The following NCKAP5 variants were observed in gnomAD, a reference collection of about 807,000 sequenced individuals.
NCKAP5 encodes the protein nck-associated protein 5.
Under a neutral mutation model 167.0 loss-of-function variants are expected in NCKAP5, and 92 were observed. The observed-to-expected ratio is 0.55, with a 90% CI of 0.47 to 0.66. The LOEUF (loss-of-function observed/expected upper bound fraction) is 0.66, where lower values mean the gene tolerates loss of function less well. Among genes scored for constraint, NCKAP5 ranks in the 30% least tolerant of loss-of-function variants. The pLI, the probability that NCKAP5 is intolerant of heterozygous loss-of-function variation, is 0.00. For missense variants in NCKAP5, 2,378 were observed against 2,315.0 expected, an observed-to-expected ratio of 1.03 and a Z score of -0.56; for synonymous variants, 891 against 877.4, an observed-to-expected ratio of 1.02 and a Z score of -0.27.
intron 6 of NCKAP5, among the ~76,000 whole-genome samples, chr2:133,044,729 T>C (rs2079332630): frequency 6.6e-6 from 1 of 152,180 alleles, no homozygotes; most frequent in Non-Finnish European, 1.5e-5. Context: ...CTTATTTATA[T>C]GTCCCTGGAG....
chr2:133,233,993 A>G (rs918632741), intron 4 of NCKAP5, among the ~76,000 whole-genome samples: 4 of 152,238 alleles, frequency 2.6e-5, no homozygotes, highest in Non-Finnish European at 4.4e-5. Context: ...CATCAGGACT[A>G]TCGAAAGAAG....
intron 3 of NCKAP5, among the ~76,000 whole-genome samples, chr2:133,342,869 G>A (rs1030626078): frequency 7.9e-5 from 12 of 152,146 alleles, no homozygotes; most frequent in African/African-American, 2.9e-4. Flanking sequence ...CAGGCTAGGA[G>A]GACACCAGAA....
At chr2:133,108,172 C>A (rs901957399) in intron 6 of NCKAP5, among the ~76,000 whole-genome samples, 1 of 152,166 alleles carries the variant, frequency 6.6e-6, no homozygotes, top group Non-Finnish European at 1.5e-5. Flanking sequence ...GTGCATAATT[C>A]TCTTCTGTGT....
chr2:133,565,654 G>A (rs959416729), intron 1 of NCKAP5, among the ~76,000 whole-genome samples: 5 of 152,168 alleles, frequency 3.3e-5, no homozygotes, highest in African/African-American at 1.2e-4. Flanking sequence ...ACACTGTGGA[G>A]TAGAGTGAAA....
At chr2:132,751,220 T>C (rs1180898500) in intron 16 of NCKAP5, among the ~76,000 whole-genome samples, 3 of 151,990 alleles carry the variant, frequency 2.0e-5, no homozygotes, top group African/African-American at 7.3e-5. Flanking sequence ...CTGAGAGAGA[T>C]TTCCCTCTAT....
chr2:133,087,466 T>G (rs1260850963), intron 6 of NCKAP5, among the ~76,000 whole-genome samples: 1 of 152,220 alleles, frequency 6.6e-6, no homozygotes, highest in Non-Finnish European at 1.5e-5. Flanking sequence ...TTCGTTCAAT[T>G]AATAGACTTC....
intron 6 of NCKAP5, among the ~76,000 whole-genome samples, chr2:133,071,741 C>CA (rs1188834499): frequency 1.3e-5 from 2 of 152,068 alleles, no homozygotes; most frequent in Admixed American, 6.5e-5. Context: ...TGAAATTCAG[C>CA]AAAAAAATCA....
At chr2:133,173,753 G>A (rs1397777627) in intron 5 of NCKAP5, among the ~76,000 whole-genome samples, 2 of 152,108 alleles carry the variant, frequency 1.3e-5, no homozygotes, top group East Asian at 3.8e-4. Flanking sequence ...TCTAGCTCTG[G>A]CTTTTCTTTG....
the NCKAP5 span, among the ~76,000 whole-genome samples, chr2:133,647,417 A>AAGGG: frequency 8.6e-6 from 1 of 116,066 alleles, no homozygotes; most frequent in East Asian, 2.8e-4. Flanking sequence ...GGAAGGAAGG[A>AAGGG]AGAGAAAGAA....
At chr2:132,942,497 T>C (rs1490324881) in intron 8 of NCKAP5, among the ~76,000 whole-genome samples, 2 of 152,200 alleles carry the variant, frequency 1.3e-5, no homozygotes, top group African/African-American at 4.8e-5. Context: ...TTTGCTGTAA[T>C]TTTTATTTGG....
the NCKAP5 span, among the ~76,000 whole-genome samples, chr2:133,653,521 G>A: frequency 1.2e-3 from 178 of 152,274 alleles, 1 homozygote; most frequent in Non-Finnish European, 1.9e-3. Context: ...AAATAAACAT[G>A]AGTCTATCTC....
intron 6 of NCKAP5, among the ~76,000 whole-genome samples, chr2:133,125,820 G>A (rs2082386067): frequency 6.6e-6 from 1 of 152,140 alleles, no homozygotes; most frequent in Non-Finnish European, 1.5e-5. Context: ...TGAGCTTATG[G>A]CTGATTAGGT....
At chr2:133,184,708 T>G (rs1190102763) in intron 5 of NCKAP5, among the ~76,000 whole-genome samples, 1 of 152,186 alleles carries the variant, frequency 6.6e-6, no homozygotes, top group Non-Finnish European at 1.5e-5. Flanking sequence ...TGCATTTCTC[T>G]GATGACTAGT....
At chr2:133,513,841 C>T (rs530840533) in intron 3 of NCKAP5, among the ~76,000 whole-genome samples, 3 of 152,134 alleles carry the variant, frequency 2.0e-5, no homozygotes, top group South Asian at 4.2e-4. Context: ...AATGTATTTC[C>T]CAAAAATTAA....
intron 11 of NCKAP5, among the ~76,000 whole-genome samples, chr2:132,855,415 G>A (rs1689388040): frequency 2.6e-5 from 4 of 152,194 alleles, no homozygotes; most frequent in Admixed American, 2.6e-4. Context: ...TGCTCCTCCT[G>A]TCACCCTGTG....
At chr2:132,796,537 G>A in intron 12 of NCKAP5, 91 bp downstream of exon 12, 1 of 783,078 alleles carries the variant, frequency 1.3e-6, no homozygotes, top group Non-Finnish European at 2.1e-6. Context: ...ATGCTTCAAG[G>A]ATGCACTTTA....
the NCKAP5 span, among the ~76,000 whole-genome samples, chr2:133,640,573 ATAAAC>A: frequency 6.6e-6 from 1 of 152,214 alleles, no homozygotes; most frequent in Non-Finnish European, 1.5e-5. Flanking sequence ...TCATTTTCTA[ATAAAC>A]TAAACAACCC....
chr2:132,964,520 T>A (rs905254206), intron 7 of NCKAP5, among the ~76,000 whole-genome samples: 9 of 152,192 alleles, frequency 5.9e-5, no homozygotes, highest in Admixed American at 3.9e-4. Context: ...CTCTGGAAGC[T>A]TTTTGAAAGT....
intron 5 of NCKAP5, among the ~76,000 whole-genome samples, chr2:133,199,065 A>T (rs1021291103): frequency 1.3e-5 from 2 of 152,094 alleles, no homozygotes; most frequent in Non-Finnish European, 2.9e-5. Flanking sequence ...TTAAAAAAAT[A>T]CAACTTAACC....
Sources: gnomAD v4.1 joint callset for allele counts (sites outside exome capture counted in the v4.1 genomes callset) on GRCh38, gnomAD v4.1.1 for gene constraint, MANE v1.5 for transcripts, NCBI Gene and HGNC (gene_info 2026-07-23, HGNC 2026-07-21) for gene names.